Variants in MINK1 observed in about 807,000 individuals in gnomAD.
The protein encoded by MINK1 is misshapen like kinase 1.
A neutral mutation model predicts 178.4 loss-of-function variants in MINK1; 46 were observed. The observed-to-expected ratio is 0.26, with a 90% CI of 0.20 to 0.33. MINK1 has a LOEUF of 0.33. MINK1 is among the 10% of genes least tolerant of loss of function. MINK1 has a pLI of 1.00. For missense variants in MINK1, 1,366 were observed against 1,814.9 expected, an observed-to-expected ratio of 0.75 and a Z score of 4.49; for synonymous variants, 797 against 709.7, an observed-to-expected ratio of 1.12 and a Z score of -1.96.
At chr17:4,891,947 G>A (rs1452087333) in intron 16 of MINK1, among the ~76,000 whole-genome samples, 4 of 152,114 alleles carry the variant, frequency 2.6e-5, no homozygotes, top group African/African-American at 7.2e-5. Flanking sequence ...TTTTGGGAGC[G>A]CTAAGGGGCA....
At chr17:4,850,877 G>A (rs1236127002) in intron 1 of MINK1, 2 of 337,832 alleles carry the variant, frequency 5.9e-6, no homozygotes, top group African/African-American at 2.2e-5. Flanking sequence ...CGTTAGCTTG[G>A]TATCTGCCAG....
At chr17:4,881,071 C>G in intron 3 of MINK1, 31 bp downstream of exon 3, 1 of 1,534,384 alleles carries the variant, frequency 6.5e-7, no homozygotes, top group Non-Finnish European at 8.7e-7. Context: ...GTGGGAGGGT[C>G]GGACCAGCGA....
In MINK1 at chr17:4,879,092, G is replaced by A; in HGVS notation, c.123+710G>A. Among the ~76,000 whole-genome samples the A allele has an allele frequency of 2.0e-5, 3 of 151,806 alleles. No homozygotes were observed. The South Asian group carries it at 6.3e-4, about 32-fold the overall frequency. The stretch of plus-strand genomic sequence containing the variant: ...CACTGCTCACACTTGGATTGTGGGA[G>A]CCGCTGCAGCAGGGAGTGAGGTGGC... On this transcript the variant is annotated intron_variant, in intron 2 of 31. Coordinates refer to ENST00000355280, the MANE Select transcript of MINK1 (RefSeq NM_153827.5).
At chr17:4,856,347 G>A (rs1176712606) in intron 1 of MINK1, among the ~76,000 whole-genome samples, 3 of 152,094 alleles carry the variant, frequency 2.0e-5, no homozygotes, top group African/African-American at 7.2e-5. Flanking sequence ...GGGTAGGAAG[G>A]AGGTGATCTT....
At chr17:4,866,741 CAGCCTGGGT>C in intron 1 of MINK1, among the ~76,000 whole-genome samples, 1 of 152,272 alleles carries the variant, frequency 6.6e-6, no homozygotes, top group Non-Finnish European at 1.5e-5. Flanking sequence ...CACTGCACTC[CAGCCTGGGT>C]GACAGAGCAA....
In MINK1 at chr17:4,889,823, C is replaced by T. The variant is rs1478098476; in HGVS notation, c.1347+60C>T. 3.1e-6 allele frequency: 4 copies of T among 1,298,118 alleles called. No homozygotes were observed. The Admixed American group carries it at 9.5e-5, about 31-fold the overall frequency. 80.4% of individuals were successfully genotyped at this position (1,298,118 alleles called of 1,614,324 possible). ...CCTCCCGCTCCTGCTGCCTGCCGCC[C>T]CTGCTCCCCGTGCCCTTCCCCCTTC... On this transcript the variant is annotated intron_variant, in intron 13 of 31. Coordinates refer to ENST00000355280, the MANE Select transcript of MINK1 (RefSeq NM_153827.5).
Position 4,895,228 on chromosome 17 carries a change from G to C in MINK1, c.3071G>C (p.Cys1024Ser), listed in dbSNP as rs1160253288. Residue 1024 changes from cysteine (C) to serine (S), a missense_variant, in exon 25 of 32, where the codon TGT becomes TCT. Around this residue, in one of 14 missense-constraint regions of MINK1, gnomAD observed 42 missense variants for 64.0 expected, o/e 0.66. Transcript: ENST00000355280. The surrounding 1 kb of genome is among the most constrained non-coding windows in gnomAD (Gnocchi z 4.3). ...YKKRFNSEIL[C>S]AALWGVNLLV... ...AAGCGATTCAACTCCGAGATCCTCT[G>C]TGCAGCCCTTTGGGGTAAGCCAGGG... is the stretch of plus-strand genomic sequence containing the variant. The C allele has an allele frequency of 1.2e-6, 2 of 1,614,148 alleles. No individual in the cohort carries two copies. Among genetic ancestry groups the C allele is most frequent in the Non-Finnish European group, 1.7e-6 (2 of 1,180,016 alleles).
At chr17:4,857,670 G>A (rs143473750) in intron 1 of MINK1, among the ~76,000 whole-genome samples, 5 of 151,952 alleles carry the variant, frequency 3.3e-5, no homozygotes, top group South Asian at 2.1e-4. Flanking sequence ...GTTTCACCAT[G>A]TTGCCCCGTA....
In MINK1 at chr17:4,894,236, CGTG is replaced by C. The variant is rs747828789; in HGVS notation, c.2736_2738del (p.Val913del). 6.2e-7 allele frequency: 1 copy of C among 1,613,278 alleles called. No homozygotes were observed. The highest frequency in any genetic ancestry group is 8.5e-7 in the Non-Finnish European group (1 of 1,179,844). The stretch of plus-strand genomic sequence containing the variant: ...GCAATGGGTACACAAACCTGCCTGA[CGTG>C]GTCCAGCCCAGCCACTCACCCACCG... On this transcript the variant is annotated inframe_deletion, in exon 23 of 32. Transcript: ENST00000355280. The surrounding 1 kb of genome is among the most constrained non-coding windows in gnomAD (Gnocchi z 4.1).
At chr17:4,875,978 G>A (rs1967147792) in intron 1 of MINK1, among the ~76,000 whole-genome samples, 1 of 151,692 alleles carries the variant, frequency 6.6e-6, no homozygotes, top group Non-Finnish European at 1.5e-5. Flanking sequence ...TGTATTTTTA[G>A]TAGAGACGGG....
intron 1 of MINK1, chr17:4,861,641 C>T: frequency 3.6e-6 from 1 of 280,740 alleles, no homozygotes; most frequent in Non-Finnish European, 7.4e-6. Context: ...GCTGAGATTA[C>T]AGGCACGTGC....
chr17:4,844,533 T>C (rs1329745673), intron 1 of MINK1: 1 of 501,296 alleles, frequency 2.0e-6, no homozygotes, highest in Admixed American at 2.1e-5. Flanking sequence ...CTTTTATTCG[T>C]ATACCTGGGT....
In MINK1 at chr17:4,894,776, G is replaced by T; in HGVS notation, c.2917+143G>T. 2 of 685,628 alleles carry T rather than the reference G, an allele frequency of 2.9e-6. No individual in the cohort carries two copies. The highest frequency in any genetic ancestry group is 2.5e-6 in the Non-Finnish European group (1 of 400,600). 42.5% of individuals were successfully genotyped at this position (685,628 alleles called of 1,614,324 possible). A position where few individuals can be genotyped will look rare whatever the true frequency, so the allele number is the denominator to read the frequency against. On this transcript the variant is annotated intron_variant, in intron 24 of 31. Transcript: ENST00000355280. This position sits in a 1 kb window ranked among gnomAD's most constrained non-coding sequence, Gnocchi z 4.1. Reference sequence around the variant, plus strand: ...CCCTAGCACCTGCCTGGGCACAGAGGCAAGGAAGAGCCTCTGAGACCCCTC... The same window carrying T: ...CCCTAGCACCTGCCTGGGCACAGAGTCAAGGAAGAGCCTCTGAGACCCCTC...
intron 5 of MINK1, 86 bp downstream of exon 5, chr17:4,884,559 A>AG (rs1968023640): frequency 2.7e-5 from 27 of 1,013,208 alleles, no homozygotes; most frequent in Non-Finnish European, 4.1e-5. Context: ...CTGCGCTGGG[A>AG]GGAGACATCA....
chr17:4,842,826 T>C (rs1382125456), intron 1 of MINK1, among the ~76,000 whole-genome samples: 1 of 152,226 alleles, frequency 6.6e-6, no homozygotes, highest in Non-Finnish European at 1.5e-5. Context: ...ATCCTACACT[T>C]GTCTTTTTGA....
intron 13 of MINK1, chr17:4,889,975 C>G (rs1968615038): frequency 1.7e-6 from 1 of 591,032 alleles, no homozygotes; most frequent in Admixed American, 3.0e-5. Flanking sequence ...ATCTCTTTAC[C>G]CCATCCCTGA....
At chr17:4,882,457 G>A (rs1967789446) in intron 4 of MINK1, among the ~76,000 whole-genome samples, 3 of 152,200 alleles carry the variant, frequency 2.0e-5, no homozygotes, top group Admixed American at 6.5e-5. Context: ...TGTGCTGGAG[G>A]AGTTTCTCTC....
intron 1 of MINK1, among the ~76,000 whole-genome samples, chr17:4,862,209 C>G (rs769296889): frequency 6.6e-6 from 1 of 152,150 alleles, no homozygotes; most frequent in Non-Finnish European, 1.5e-5. Flanking sequence ...AGCAGAGACT[C>G]GAGCCGGCTA....
intron 1 of MINK1, chr17:4,875,006 T>C (rs912520779): frequency 5.8e-6 from 3 of 518,498 alleles, no homozygotes; most frequent in Non-Finnish European, 1.2e-5. Flanking sequence ...AGATTAGGAG[T>C]GTTCAGAAAA....
Sources: gnomAD v4.1 joint callset for allele counts (sites outside exome capture counted in the v4.1 genomes callset) on GRCh38, gnomAD v4.1.1 for gene constraint, gnomAD v4.1.1 regional missense constraint, Gnocchi (gnomAD v3.1) non-coding constraint, MANE v1.5 for transcripts, NCBI Gene and HGNC (gene_info 2026-07-23, HGNC 2026-07-21) for gene names.